EYS: variants seen among roughly 807,000 people sequenced by gnomAD.
The protein encoded by EYS is EGF-like photoreceptor maintenance factor.
EYS carries 250 observed loss-of-function variants against 282.1 expected under a neutral mutation model. That is an observed-to-expected ratio of 0.89 (90% confidence interval 0.80 to 0.98). EYS has a LOEUF of 0.98. Among genes scored for constraint, EYS ranks in the 50% least tolerant of loss-of-function variants. The probability of loss-of-function intolerance (pLI) is 0.00; values close to 1 mark genes in which losing one functional copy is unlikely to be tolerated. For missense variants in EYS, 4,016 were observed against 3,709.0 expected, an observed-to-expected ratio of 1.08 and a Z score of -2.15; for synonymous variants, 1,355 against 1,282.9, an observed-to-expected ratio of 1.06 and a Z score of -1.20.
At chr6:64,318,431 G>A (rs976685655) in intron 29 of EYS, among the ~76,000 whole-genome samples, 2 of 151,918 alleles carry the variant, frequency 1.3e-5, no homozygotes, top group African/African-American at 4.8e-5. Context: ...GAGGGCATTC[G>A]ATGTGATAAT....
rs538646002 is a variant in EYS, at chr6:64,974,256, G to C, written c.2259+23326C>G. ...AACCAAAATAAAGAAAAGTATGAAA[G>C]GGGATATAATGTATTTGAAGACTAT... On this transcript the variant is annotated intron_variant, in intron 14 of 42. Transcript: ENST00000503581. Among the ~76,000 whole-genome samples, 5 of 151,984 alleles carry C rather than the reference G, an allele frequency of 3.3e-5. 1 individual carries two copies. The South Asian group carries it at 1.0e-3, about 31-fold the overall frequency.
intron 34 of EYS, among the ~76,000 whole-genome samples, chr6:63,995,692 G>A (rs1767803115): frequency 6.6e-6 from 1 of 151,912 alleles, no homozygotes; most frequent in Non-Finnish European, 1.5e-5. Context: ...ATGGATGAAT[G>A]GATAAAGAAA....
chr6:63,721,361 A>C lies in EYS; in HGVS notation c.8670T>G (p.Cys2890Trp). 6.4e-7 allele frequency: 1 copy of C among 1,551,908 alleles called. No individual in the cohort carries two copies. The highest frequency in any genetic ancestry group is 8.7e-7 in the Non-Finnish European group (1 of 1,146,980). Residue 2890 changes from cysteine to tryptophan, a missense_variant, in exon 43 of 43, where the codon TGT becomes TGG. Transcript: ENST00000503581. ...GYNTCRNGGECTVNGTTFSCR... is the reference protein window; with the variant it reads ...GYNTCRNGGEWTVNGTTFSCR... ...AAGAAAAAGTTGTGCCATTTACTGT[A>C]CATTCACCTCCATTTCTGCATGTGT...
chr6:64,664,879 AG>A (rs1213597701), intron 22 of EYS, among the ~76,000 whole-genome samples: 1 of 152,214 alleles, frequency 6.6e-6, no homozygotes, highest in African/African-American at 2.4e-5. Flanking sequence ...GTCCAGTTTA[AG>A]GTGTTTTATA....
chr6:64,023,533 A>G (rs1298263690), intron 33 of EYS, among the ~76,000 whole-genome samples: 1 of 152,228 alleles, frequency 6.6e-6, no homozygotes, highest in African/African-American at 2.4e-5. Context: ...CGATTTTTCC[A>G]CAGCTTCACC....
chr6:64,981,714 C>T (rs186732627), intron 14 of EYS, among the ~76,000 whole-genome samples: 1 of 151,392 alleles, frequency 6.6e-6, no homozygotes, highest in African/African-American at 2.4e-5. Flanking sequence ...TGTTTTACTG[C>T]CTCACTAGTA....
chr6:64,649,344 C>CTT (rs11388058), intron 22 of EYS, among the ~76,000 whole-genome samples: 2,796 of 149,172 alleles, frequency 0.019, 29 homozygotes, highest in Non-Finnish European at 0.023. Context: ...CTATAACTGC[C>CTT]TTTTTTTTTT....
intron 5 of EYS, among the ~76,000 whole-genome samples, chr6:65,427,878 A>G (rs1767723241): frequency 6.6e-6 from 1 of 152,074 alleles, no homozygotes; most frequent in Admixed American, 6.6e-5. Flanking sequence ...TATATTTAGG[A>G]TGCTTCCACA....
At chr6:64,568,627 C>G (rs536608631) in intron 26 of EYS, among the ~76,000 whole-genome samples, 3 of 152,288 alleles carry the variant, frequency 2.0e-5, no homozygotes, top group South Asian at 4.1e-4. Context: ...CGCTTGAGCT[C>G]TGCTAAGGGT....
rs149352400 is a variant in EYS, at chr6:65,401,115, G to A, written c.1184+1363C>T. Among the ~76,000 whole-genome samples the A allele has an allele frequency of 5.9e-5, 9 of 152,010 alleles. No homozygotes were observed. In the East Asian group the frequency reaches 1.7e-3, roughly 29 times the overall value. On this transcript the variant is annotated intron_variant, in intron 7 of 42. Coordinates refer to ENST00000503581, the MANE Select transcript of EYS (RefSeq NM_001142800.2). ...GAAGTTCTAATTTCAAAGTGTTAGA[G>A]TCACTGACCTAGGAAAACATACCTC...
intron 35 of EYS, among the ~76,000 whole-genome samples, chr6:63,968,075 A>G (rs904798087): frequency 2.6e-5 from 4 of 151,452 alleles, no homozygotes; most frequent in African/African-American, 9.8e-5. Context: ...CTGTCACATT[A>G]TGAATTTTTT....
rs9784857 is a variant in EYS at position 65,254,578 on chromosome 6, G to A, written c.2023+41285C>T. On this transcript the variant is annotated intron_variant, in intron 12 of 42. Coordinates refer to ENST00000503581, the MANE Select transcript of EYS (RefSeq NM_001142800.2). ...AATGTTAGATTCCAAAGTTATTGTG[G>A]AAAGATTAATTTGGTTACACATCTT... 4.0e-5 allele frequency among the ~76,000 whole-genome samples: 6 copies of A among 151,768 alleles called. No homozygotes were observed. In the South Asian group the frequency reaches 1.0e-3, roughly 26 times the overall value.
intron 26 of EYS, among the ~76,000 whole-genome samples, chr6:64,450,036 G>A (rs574491955): frequency 6.6e-6 from 1 of 151,996 alleles, no homozygotes; most frequent in Non-Finnish European, 1.5e-5. Flanking sequence ...TGGGATAAAT[G>A]CTCCAATTAA....
At chr6:64,303,405 G>A (rs1769304844) in intron 30 of EYS, among the ~76,000 whole-genome samples, 1 of 152,196 alleles carries the variant, frequency 6.6e-6, no homozygotes, top group Non-Finnish European at 1.5e-5. Context: ...TGACAGGCCT[G>A]TTGCTACACA....
chr6:64,949,743 C>T (rs944994162), intron 14 of EYS, among the ~76,000 whole-genome samples: 2 of 151,848 alleles, frequency 1.3e-5, no homozygotes, highest in African/African-American at 4.8e-5. Context: ...TCTCGAGGAT[C>T]ATCTTAAAAT....
chr6:64,473,947 T>C (rs1180089823), intron 26 of EYS, among the ~76,000 whole-genome samples: 1 of 152,192 alleles, frequency 6.6e-6, no homozygotes, highest in East Asian at 1.9e-4. Context: ...CAAGAAACAA[T>C]TATTTGCTCA....
chr6:64,283,634 C>A (rs1768389833), intron 30 of EYS, among the ~76,000 whole-genome samples: 1 of 152,156 alleles, frequency 6.6e-6, no homozygotes, highest in Non-Finnish European at 1.5e-5. Flanking sequence ...TATCTTATAA[C>A]AGGGGTATGC....
At chr6:63,865,194 C>T (rs1243984012) in intron 35 of EYS, among the ~76,000 whole-genome samples, 1 of 152,222 alleles carries the variant, frequency 6.6e-6, no homozygotes, top group East Asian at 1.9e-4. Context: ...CCAGAGAGTA[C>T]TCTTTTTATC....
At chr6:64,620,306 TTTC>T (rs1038864296) in intron 23 of EYS, among the ~76,000 whole-genome samples, 2 of 152,106 alleles carry the variant, frequency 1.3e-5, no homozygotes, top group African/African-American at 2.4e-5. Context: ...GCAGCTGCCG[TTTC>T]AATGCACCTA....
Sources: allele counts gnomAD v4.1 joint callset (sites outside exome capture counted in the v4.1 genomes callset), GRCh38; gene constraint gnomAD v4.1.1; transcripts MANE v1.5; gene names NCBI Gene and HGNC (gene_info 2026-07-23, HGNC 2026-07-21).